RAN: variants seen among roughly 807,000 people sequenced by gnomAD.
The protein encoded by RAN is GTP-binding nuclear protein Ran.
In RAN, 2 loss-of-function variants were observed where a neutral mutation model predicts 26.8. The ratio of observed to expected loss-of-function variants is 0.07; its 90% confidence interval spans 0.03 to 0.23. The LOEUF (loss-of-function observed/expected upper bound fraction) is 0.23. Among genes scored for constraint, RAN ranks in the 10% least tolerant of loss-of-function variants. The pLI is 1.00. For missense variants in RAN, 56 were observed against 264.8 expected (o/e 0.21, Z 5.47); for synonymous variants, 132 against 95.9 (o/e 1.38, Z -2.20).
chr12:130,872,252 G>C (rs975270045), intron 1 of RAN, 126 bp downstream of exon 1: 1 of 154,424 alleles, frequency 6.5e-6, no homozygotes, highest in Admixed American at 6.6e-5. Flanking sequence ...CGGCTGAGTA[G>C]GTGGGTGGTG....
chr12:130,872,789 A>T, intron 2 of RAN, 47 bp from the exon 3 acceptor site: 1 of 1,600,346 alleles, frequency 6.2e-7, no homozygotes, highest in Non-Finnish European at 8.6e-7. Context: ...TGGGATCTTG[A>T]GAGGTGAAGT....
At chr12:130,873,497 C>G (rs1294673711) in intron 4 of RAN, 4 of 241,942 alleles carry the variant, frequency 1.7e-5, no homozygotes, top group African/African-American at 9.1e-5. Flanking sequence ...ACAATAAACA[C>G]CAGATACTAG....
intron 4 of RAN, 56 bp downstream of exon 4, chr12:130,873,184 T>A (rs1294210028): frequency 4.4e-6 from 7 of 1,608,048 alleles, no homozygotes; most frequent in Non-Finnish European, 6.0e-6. Context: ...ACTTCAGTCT[T>A]CAAGGTTATA....
Position 130,874,800 on chromosome 12 carries a change from A to G in RAN, c.435+67A>G, listed in dbSNP as rs1593220710. The G allele has an allele frequency of 2.3e-6, 3 of 1,315,590 alleles. No individual in the cohort carries two copies. In the East Asian group the frequency reaches 7.1e-5, roughly 31 times the overall value. 81.5% of individuals were successfully genotyped at this position (1,315,590 alleles called of 1,614,324 possible). ...AGATTATATGTAAGACCATGAAATT[A>G]ACCAGTGTCTATTATATATGGAAAT... On this transcript the variant is annotated intron_variant, in intron 5 of 6. Transcript: ENST00000543796.
In RAN at chr12:130,876,286, G is replaced by T; in HGVS notation, c.*360G>T. 1 of 214,986 alleles carries T rather than the reference G, an allele frequency of 4.7e-6. No individual in the cohort carries two copies. 13.3% of individuals were successfully genotyped at this position (214,986 alleles called of 1,614,324 possible). On this transcript the variant is annotated 3_prime_UTR_variant, in exon 7 of 7. Coordinates refer to ENST00000543796, the MANE Select transcript of RAN (RefSeq NM_006325.5). Reference sequence around the variant, plus strand: ...AGTTGTATTTCAAATATCTAAGCAAGTGAACTCATCCCTTGTTTATAAATA... The same window carrying T: ...AGTTGTATTTCAAATATCTAAGCAATTGAACTCATCCCTTGTTTATAAATA...
In RAN at chr12:130,874,592, C is replaced by T; in HGVS notation, c.294C>T (p.Tyr98=). ...TTGATGTAACATCGAGAGTTACTTA[C>T]AAGAATGTGCCTAACTGGCATAGAG... ...IMFDVTSRVT[Y]KNVPNWHRDL... Residue 98 remains tyrosine, a synonymous_variant, in exon 5 of 7, where the codon TAC becomes TAT. Coordinates refer to ENST00000543796, the MANE Select transcript of RAN (RefSeq NM_006325.5). The T allele has an allele frequency of 6.2e-6, 10 of 1,602,700 alleles. No individual in the cohort carries two copies. The highest frequency in any genetic ancestry group is 1.3e-5 in the African/African-American group (1 of 74,742).
In RAN at chr12:130,876,909, A is replaced by G. The variant is rs1332882251; in HGVS notation, c.*983A>G. ...TAAGTTCTTCAGCAGTTCACACTAC[A>G]CCGTTTTTTTGTTTTTTTTTCCCCC... On this transcript the variant is annotated 3_prime_UTR_variant, in exon 7 of 7. Coordinates refer to ENST00000543796, the MANE Select transcript of RAN (RefSeq NM_006325.5). 4.0e-5 allele frequency: 6 copies of G among 151,434 alleles called. No homozygotes were observed. The allele number at this position is 151,434 out of a possible 1,614,324, so 9.4% of individuals were successfully genotyped here.
In RAN at chr12:130,872,819, AAT is replaced by A; in HGVS notation, c.37-16_37-15del. ...TGAAGTGTTTAGGGTTTACTTCCAAAATGTGTTTTTCAACAGCTTGTATTGGT... is the reference window on the plus strand; with the variant it reads ...TGAAGTGTTTAGGGTTTACTTCCAAAGTGTTTTTCAACAGCTTGTATTGGT... On this transcript the variant is annotated splice_polypyrimidine_tract_variant and intron_variant, in intron 2 of 6. Coordinates refer to ENST00000543796, the MANE Select transcript of RAN (RefSeq NM_006325.5). 5 of 1,613,964 alleles carry A rather than the reference AAT, an allele frequency of 3.1e-6. No individual in the cohort carries two copies. Among genetic ancestry groups the A allele is most frequent in the Non-Finnish European group, 4.2e-6 (5 of 1,179,802 alleles).
Position 130,876,372 on chromosome 12 carries a change from C to G in RAN, c.*446C>G, listed in dbSNP as rs542453809. On this transcript the variant is annotated 3_prime_UTR_variant, in exon 7 of 7. Transcript: ENST00000543796. Reference sequence around the variant, plus strand: ...CCATGTTAATATTTGAATTGCCTTGCTTTTATCACTTAATTTGAAATCTAT... The same window carrying G: ...CCATGTTAATATTTGAATTGCCTTGGTTTTATCACTTAATTTGAAATCTAT... 5.9e-6 allele frequency: 1 copy of G among 168,288 alleles called. No homozygotes were observed. The highest frequency in any genetic ancestry group is 5.8e-5 in the Admixed American group (1 of 17,124). 10.4% of individuals were successfully genotyped at this position (168,288 alleles called of 1,614,324 possible).
intron 4 of RAN, 178 bp downstream of exon 4, chr12:130,873,306 T>G: frequency 5.3e-6 from 4 of 753,722 alleles, no homozygotes; most frequent in Non-Finnish European, 8.5e-6. Flanking sequence ...ATTAAAGTTG[T>G]GTCATTTGCA....
chr12:130,873,781 C>T (rs1395929180), intron 4 of RAN: 3 of 158,202 alleles, frequency 1.9e-5, no homozygotes, highest in Non-Finnish European at 4.2e-5. Context: ...CCAAAAGAAT[C>T]CTTTAACCAA....
rs762482701 is a variant in RAN, at chr12:130,874,647, A to G, written c.349A>G (p.Ile117Val). The G allele has an allele frequency of 1.2e-6, 2 of 1,613,154 alleles. No individual in the cohort carries two copies. Among genetic ancestry groups the G allele is most frequent in the Admixed American group, 1.7e-5 (1 of 60,012 alleles). The change falls in exon 5 of 7, where the codon ATT becomes GTT. Residue 117 changes from isoleucine (I) to valine (V), a missense_variant. Around this residue, in one of 2 missense-constraint regions of RAN, gnomAD observed 39 missense variants for 248.7 expected, o/e 0.16. Transcript: ENST00000543796. ...GGTACGAGTGTGTGAAAACATCCCCATTGTGTTGTGTGGCAACAAAGTGGA... is the reference window on the plus strand; with the variant it reads ...GGTACGAGTGTGTGAAAACATCCCCGTTGTGTTGTGTGGCAACAAAGTGGA... Reference protein sequence around the residue: ...DLVRVCENIPIVLCGNKVDIK... With the variant: ...DLVRVCENIPVVLCGNKVDIK...
chr12:130,872,288 G>A (rs1953148602), intron 1 of RAN, 162 bp downstream of exon 1: 1 of 153,546 alleles, frequency 6.5e-6, no homozygotes, highest in Non-Finnish European at 1.4e-5. Flanking sequence ...CGGGGCAGGA[G>A]ACGGGCGTGG....
chr12:130,872,669 C>T (rs987656340), intron 2 of RAN, 40 bp downstream of exon 2: 4 of 1,525,892 alleles, frequency 2.6e-6, no homozygotes, highest in East Asian at 2.4e-5. Context: ...CGAGCCCGAC[C>T]GCGTGCGACT....
At chr12:130,872,809 T>G in intron 2 of RAN, 27 bp from the exon 3 acceptor site, 1 of 1,612,844 alleles carries the variant, frequency 6.2e-7, no homozygotes. Context: ...TGTTTAGGGT[T>G]TACTTCCAAA....
At chr12:130,873,234 G>T in intron 4 of RAN, 106 bp downstream of exon 4, 2 of 1,466,108 alleles carry the variant, frequency 1.4e-6, no homozygotes, top group South Asian at 1.3e-5. Flanking sequence ...TCATTTTTGG[G>T]TTAAAAAAAG....
chr12:130,872,104 G>T lies in RAN; in HGVS notation c.-33G>T. On this transcript the variant is annotated 5_prime_UTR_variant, in exon 1 of 7. Transcript: ENST00000543796. ...GCCATCTTTCCAGCCTCAGTCGGACGGGCGCGGAGACGCTTCTGGAAGGTA... is the reference window on the plus strand; with the variant it reads ...GCCATCTTTCCAGCCTCAGTCGGACTGGCGCGGAGACGCTTCTGGAAGGTA... 1 of 314,904 alleles carries T rather than the reference G, an allele frequency of 3.2e-6. No individual in the cohort carries two copies. The allele number at this position is 314,904 out of a possible 1,614,324, so 19.5% of individuals were successfully genotyped here.
In RAN at chr12:130,877,425, G is replaced by T. The variant is rs1169676188; in HGVS notation, c.*1499G>T. ...TGTATTCAGAACCAGTTTCTAACCAGCCTGTGAGATGGGAAGTTTTTTCCC... is the reference window on the plus strand; with the variant it reads ...TGTATTCAGAACCAGTTTCTAACCATCCTGTGAGATGGGAAGTTTTTTCCC... On this transcript the variant is annotated 3_prime_UTR_variant, in exon 7 of 7. Coordinates refer to ENST00000543796, the MANE Select transcript of RAN (RefSeq NM_006325.5). The T allele has an allele frequency of 6.6e-6, 1 of 152,204 alleles. No homozygotes were observed. Among genetic ancestry groups the T allele is most frequent in the Non-Finnish European group, 1.5e-5 (1 of 68,048 alleles). The allele number at this position is 152,204 out of a possible 1,614,324, so 9.4% of individuals were successfully genotyped here.
At chr12:130,875,534 C>T (rs1953223457) in intron 5 of RAN, 78 bp from the exon 6 acceptor site, 2 of 1,308,600 alleles carry the variant, frequency 1.5e-6, no homozygotes, top group Admixed American at 2.6e-5. Flanking sequence ...TTAACATTTT[C>T]TTATCTTGCA....
Sources: allele counts gnomAD v4.1 joint callset, GRCh38; gene constraint gnomAD v4.1.1; regional missense constraint gnomAD v4.1.1; transcripts MANE v1.5; gene names NCBI Gene and HGNC (gene_info 2026-07-23, HGNC 2026-07-21).